GRM5: variants seen among roughly 807,000 people sequenced by gnomAD.
GRM5 encodes the protein glutamate metabotropic receptor 5, also known as metabotropic glutamate receptor 5.
In GRM5, 19 loss-of-function variants were observed where a neutral mutation model predicts 83.1. That is an observed-to-expected ratio of 0.23 (90% confidence interval 0.16 to 0.34). GRM5 has a LOEUF of 0.34. GRM5 is among the 10% of genes least tolerant of loss of function. GRM5 has a pLI of 1.00. For synonymous variants in GRM5, 675 were observed against 633.6 expected (o/e 1.07, Z -0.98); for missense variants, 1,160 against 1,588.3 (o/e 0.73, Z 4.58).
intron 3 of GRM5, among the ~76,000 whole-genome samples, chr11:88,678,872 C>G (rs1243704713): frequency 6.6e-6 from 1 of 151,470 alleles, no homozygotes; most frequent in African/African-American, 2.4e-5. Flanking sequence ...AAAAAGTATC[C>G]CATTTGAAGC....
chr11:88,804,078 A>T (rs1167087600), intron 3 of GRM5, among the ~76,000 whole-genome samples: 1 of 152,160 alleles, frequency 6.6e-6, no homozygotes, highest in Non-Finnish European at 1.5e-5. Flanking sequence ...ACACTTTTAC[A>T]CTGTTAGTGG....
At chr11:88,836,515 A>G (rs953720927) in intron 3 of GRM5, among the ~76,000 whole-genome samples, 11 of 152,188 alleles carry the variant, frequency 7.2e-5, no homozygotes, top group African/African-American at 2.7e-4. Flanking sequence ...CTTCTAGAAA[A>G]CAGGCCAGGC....
intron 7 of GRM5, among the ~76,000 whole-genome samples, chr11:88,582,680 T>C (rs1427057513): frequency 6.6e-6 from 1 of 152,202 alleles, no homozygotes; most frequent in Non-Finnish European, 1.5e-5. Context: ...ACAAATAATA[T>C]TTAATAGATG....
At chr11:88,846,794 A>C (rs1473844547) in intron 3 of GRM5, among the ~76,000 whole-genome samples, 2 of 152,190 alleles carry the variant, frequency 1.3e-5, no homozygotes, top group Non-Finnish European at 2.9e-5. Context: ...ACAAAATAAC[A>C]CTAGAATACT....
chr11:88,792,132 G>GT (rs1399183151), intron 3 of GRM5, among the ~76,000 whole-genome samples: 1 of 151,926 alleles, frequency 6.6e-6, no homozygotes, highest in East Asian at 1.9e-4. Flanking sequence ...CAACAACCTA[G>GT]TTTTTTAAAA....
chr11:88,978,028 T>C (rs1418226948), intron 2 of GRM5, among the ~76,000 whole-genome samples: 2 of 152,214 alleles, frequency 1.3e-5, no homozygotes, highest in African/African-American at 2.4e-5. Flanking sequence ...TTGGGTATCA[T>C]ATAGAAAACT....
intron 3 of GRM5, among the ~76,000 whole-genome samples, chr11:88,695,630 G>A (rs2135365547): frequency 6.6e-6 from 1 of 152,222 alleles, no homozygotes; most frequent in Non-Finnish European, 1.5e-5. Context: ...ATTTCCTGGG[G>A]CTTTTCTATA....
intron 3 of GRM5, among the ~76,000 whole-genome samples, chr11:88,841,724 T>C (rs1247892362): frequency 2.0e-5 from 3 of 152,220 alleles, no homozygotes. Context: ...TGTGATATCA[T>C]GACTTTTCTC....
intron 3 of GRM5, among the ~76,000 whole-genome samples, chr11:88,730,317 A>G (rs1941778860): frequency 6.6e-6 from 1 of 152,192 alleles, no homozygotes; most frequent in Non-Finnish European, 1.5e-5. Context: ...ACAAAGCCAC[A>G]ATGAGATACC....
At chr11:88,889,703 T>A (rs576084775) in intron 2 of GRM5, among the ~76,000 whole-genome samples, 131 of 152,232 alleles carry the variant, frequency 8.6e-4, no homozygotes, top group Middle Eastern at 3.4e-3. Context: ...TGGAAAAAAA[T>A]TTTTATTTTT....
At chr11:88,862,271 T>A (rs1319045066) in intron 2 of GRM5, among the ~76,000 whole-genome samples, 1 of 152,156 alleles carries the variant, frequency 6.6e-6, no homozygotes, top group South Asian at 2.1e-4. Flanking sequence ...AATTACAAAA[T>A]TATATGTATT....
At chr11:88,953,427 GT>G (rs1938521092) in intron 2 of GRM5, among the ~76,000 whole-genome samples, 1 of 152,132 alleles carries the variant, frequency 6.6e-6, no homozygotes, top group African/African-American at 2.4e-5. Context: ...ACTTTATCAT[GT>G]TTTTTTCTTT....
intron 2 of GRM5, among the ~76,000 whole-genome samples, chr11:88,947,560 C>T (rs375162842): frequency 8.6e-4 from 131 of 151,674 alleles, no homozygotes; most frequent in Middle Eastern, 3.4e-3. Context: ...TATTATCCCT[C>T]TCTAATCTTT....
At chr11:88,864,825 T>G (rs576568151) in intron 2 of GRM5, among the ~76,000 whole-genome samples, 1 of 152,200 alleles carries the variant, frequency 6.6e-6, no homozygotes, top group South Asian at 2.1e-4. Context: ...CTCTCATTAT[T>G]TTGAGATACT....
At chr11:88,596,421 A>G (rs1937807467) in intron 6 of GRM5, among the ~76,000 whole-genome samples, 1 of 152,178 alleles carries the variant, frequency 6.6e-6, no homozygotes, top group Non-Finnish European at 1.5e-5. Flanking sequence ...CCAGTTTAAT[A>G]AAAATTAAGT....
At chr11:88,683,164 C>T (rs1940536411) in intron 3 of GRM5, among the ~76,000 whole-genome samples, 1 of 152,186 alleles carries the variant, frequency 6.6e-6, no homozygotes, top group African/African-American at 2.4e-5. Context: ...AGCTACAATG[C>T]CACCACAGGC....
intron 4 of GRM5, among the ~76,000 whole-genome samples, chr11:88,643,924 A>G (rs760624610): frequency 4.6e-5 from 7 of 152,210 alleles, no homozygotes; most frequent in Non-Finnish European, 1.0e-4. Flanking sequence ...TTCAAATACT[A>G]GTGAGACATA....
intron 2 of GRM5, among the ~76,000 whole-genome samples, chr11:88,894,293 G>A (rs1044176972): frequency 5.9e-5 from 9 of 151,970 alleles, no homozygotes; most frequent in Non-Finnish European, 1.2e-4. Context: ...AAAATTTGGT[G>A]CATTTGCTGT....
At chr11:88,911,249 C>T (rs1351382063) in intron 2 of GRM5, among the ~76,000 whole-genome samples, 4 of 152,102 alleles carry the variant, frequency 2.6e-5, no homozygotes, top group African/African-American at 9.7e-5. Context: ...TCTCTGGGCA[C>T]TCATAAGAGA....
Sources: allele counts gnomAD v4.1 joint callset (sites outside exome capture counted in the v4.1 genomes callset), GRCh38; gene constraint gnomAD v4.1.1; transcripts MANE v1.5; gene names NCBI Gene and HGNC (gene_info 2026-07-23, HGNC 2026-07-21).